Variants in HDDC3 observed in about 807,000 individuals in gnomAD.
HDDC3 encodes the protein HD domain containing 3.
A neutral mutation model predicts 19.1 loss-of-function variants in HDDC3; 18 were observed. The observed-to-expected ratio is 0.94, with a 90% CI of 0.65 to 1.40. HDDC3 has a LOEUF of 1.40. Ranked by LOEUF, HDDC3 falls within the 40% of genes most tolerant of loss-of-function variation. The pLI is 0.00. For missense variants in HDDC3, 250 were observed against 228.9 expected, an observed-to-expected ratio of 1.09 and a Z score of -0.59; for synonymous variants, 107 against 99.4, an observed-to-expected ratio of 1.08 and a Z score of -0.46.
chr15:90,932,353 G>A, intron 1 of HDDC3, 76 bp downstream of exon 1: 1 of 930,476 alleles, frequency 1.1e-6, no homozygotes, highest in Middle Eastern at 3.1e-4. Flanking sequence ...TCAATGAGGT[G>A]CACGCCCCCC....
chr15:90,931,652 C>T (rs903150688), intron 3 of HDDC3, 52 bp downstream of exon 3: 2 of 1,613,924 alleles, frequency 1.2e-6, no homozygotes, highest in Non-Finnish European at 8.5e-7. Context: ...CATGTGTCTT[C>T]AGAAGGCGGC....
chr15:90,931,856 A>AC lies in HDDC3; in HGVS notation c.256dup (p.Val86GlyfsTer7). On this transcript the variant is annotated frameshift_variant, in exon 3 of 4. Coordinates refer to ENST00000394272, the MANE Select transcript of HDDC3 (RefSeq NM_001286451.2). LOFTEE classifies it high-confidence loss of function. The stretch of plus-strand genomic sequence containing the variant: ...AGTCTTGTCATCTGTTACCTCCTCC[A>AC]CCAGGCGCCGCACTTGTGCCCCAAA... 1 of 1,613,936 alleles carries AC rather than the reference A, an allele frequency of 6.2e-7. No homozygotes were observed. The highest frequency in any genetic ancestry group is 8.5e-7 in the Non-Finnish European group (1 of 1,179,988).
In HDDC3 at chr15:90,931,155, T is replaced by C. The variant is rs2035775105; in HGVS notation, c.*120A>G. 8.1e-7 allele frequency: 1 copy of C among 1,241,302 alleles called. No individual in the cohort carries two copies. The highest frequency in any genetic ancestry group is 1.1e-6 in the Non-Finnish European group (1 of 898,374). 76.9% of individuals were successfully genotyped at this position (1,241,302 alleles called of 1,614,324 possible). A position where few individuals can be genotyped will look rare whatever the true frequency, so the allele number is the denominator to read the frequency against. The stretch of plus-strand genomic sequence containing the variant: ...ACTGAGAAAAAATGCAAGTCTTTTT[T>C]TGGCCTCTAATATCTGGGAAGGATG... On this transcript the variant is annotated 3_prime_UTR_variant, in exon 4 of 4. Coordinates refer to ENST00000394272, the MANE Select transcript of HDDC3 (RefSeq NM_001286451.2).
chr15:90,931,030 G>T lies in HDDC3; in HGVS notation c.*245C>A. The stretch of plus-strand genomic sequence containing the variant: ...ATCCCACCATGCAAAATAGCAAACA[G>T]ACCCAAGACTTGGGGAGAGGCGGTG... On this transcript the variant is annotated 3_prime_UTR_variant, in exon 4 of 4. Coordinates refer to ENST00000394272, the MANE Select transcript of HDDC3 (RefSeq NM_001286451.2). 1 of 491,538 alleles carries T rather than the reference G, an allele frequency of 2.0e-6. No homozygotes were observed. Among genetic ancestry groups the T allele is most frequent in the Non-Finnish European group, 3.7e-6 (1 of 271,130 alleles). The allele number at this position is 491,538 out of a possible 1,614,324, so 30.4% of individuals were successfully genotyped here.
Position 90,932,510 on chromosome 15 carries a change from C to T in HDDC3, c.31G>A (p.Ala11Thr), listed in dbSNP as rs752086762. 43 of 1,302,358 alleles carry T rather than the reference C, an allele frequency of 3.3e-5. No homozygotes were observed. Among genetic ancestry groups the T allele is most frequent in the Non-Finnish European group, 4.1e-5 (42 of 1,025,978 alleles). The allele number at this position is 1,302,358 out of a possible 1,614,324, so 80.7% of individuals were successfully genotyped here. ...TGCTTGCGAGCCGCGAAGTCGGCAGCCTCCAGCAGCTGCGCCGCCTCAGAG... is the reference window on the plus strand; with the variant it reads ...TGCTTGCGAGCCGCGAAGTCGGCAGTCTCCAGCAGCTGCGCCGCCTCAGAG... MGSEAAQLLE[A>T]ADFAARKHRQ... is the part of the protein sequence containing the mutation. Residue 11 changes from alanine (A) to threonine (T), a missense_variant, in exon 1 of 4, where the codon GCT becomes ACT. By Grantham distance (58) the Ala-to-Thr change is moderately conservative. Coordinates refer to ENST00000394272, the MANE Select transcript of HDDC3 (RefSeq NM_001286451.2).
Position 90,932,424 on chromosome 15 carries a change from C to A in HDDC3, c.112+5G>T. 1 of 1,345,972 alleles carries A rather than the reference C, an allele frequency of 7.4e-7. No homozygotes were observed. Among genetic ancestry groups the A allele is most frequent in the South Asian group, 1.9e-5 (1 of 52,986 alleles). The allele number at this position is 1,345,972 out of a possible 1,614,324, so 83.4% of individuals were successfully genotyped here. Reference sequence around the variant, plus strand: ...CAGCCGGCGCTCCGCGGCCGACGCGCCCACCGATGGGGTGGTTGATGTAGG... The same window carrying A: ...CAGCCGGCGCTCCGCGGCCGACGCGACCACCGATGGGGTGGTTGATGTAGG... On this transcript the variant is annotated splice_donor_5th_base_variant and intron_variant, in intron 1 of 3. Transcript: ENST00000394272.
chr15:90,931,720 A>G lies in HDDC3; in HGVS notation c.393T>C (p.Asn131=). The G allele has an allele frequency of 6.2e-7, 1 of 1,614,052 alleles. No homozygotes were observed. The highest frequency in any genetic ancestry group is 1.1e-5 in the South Asian group (1 of 91,074). The part of the protein sequence containing the change: ...ADKLYNLRDL[N]RCTPEGWSEH... ...AAAGCGTACCCTCTGGGGTGCAGCG[A>G]TTCAGGTCCCTCAGATTGTACAGCT... Residue 131 remains asparagine (N), a synonymous_variant, in exon 3 of 4, where the codon AAT becomes AAC. Coordinates refer to ENST00000394272, the MANE Select transcript of HDDC3 (RefSeq NM_001286451.2).
At chr15:90,932,233 G>C in intron 1 of HDDC3, 123 bp from the exon 2 acceptor site, 1 of 1,115,212 alleles carries the variant, frequency 9.0e-7, no homozygotes, top group Non-Finnish European at 1.3e-6. Flanking sequence ...CCTTGGTCAA[G>C]TACCTTACCC....
rs571150909 is a variant in HDDC3 at position 90,930,683 on chromosome 15, T to G, written c.*592A>C. 6.5e-6 allele frequency: 1 copy of G among 154,202 alleles called. No homozygotes were observed. The highest frequency in any genetic ancestry group is 6.4e-5 in the Admixed American group (1 of 15,556). 9.6% of individuals were successfully genotyped at this position (154,202 alleles called of 1,614,324 possible). On this transcript the variant is annotated 3_prime_UTR_variant, in exon 4 of 4. Transcript: ENST00000394272. ...CGCGCCTGGCCCCCTTCCAACTTTC[T>G]TAACGGGAAAGGCTGCTACCATTTC... is the stretch of plus-strand genomic sequence containing the variant.
At chr15:90,931,581 G>T in intron 3 of HDDC3, 123 bp downstream of exon 3, 1 of 1,614,134 alleles carries the variant, frequency 6.2e-7, no homozygotes. Flanking sequence ...ATCAAAGAGT[G>T]GTCCAGTAGG....
Position 90,931,201 on chromosome 15 carries a change from G to C in HDDC3, c.*74C>G, listed in dbSNP as rs890733450. The C allele has an allele frequency of 1.6e-4, 240 of 1,513,476 alleles. No individual in the cohort carries two copies. The highest frequency in any genetic ancestry group is 2.0e-4 in the Non-Finnish European group (226 of 1,116,628). The allele number at this position is 1,513,476 out of a possible 1,614,324, so 93.8% of individuals were successfully genotyped here. On this transcript the variant is annotated 3_prime_UTR_variant, in exon 4 of 4. Coordinates refer to ENST00000394272, the MANE Select transcript of HDDC3 (RefSeq NM_001286451.2). ...GGATGGAGGGAGCTCAGGAGACACAGAAAAGATGGCGTATGAATCCTGTCC... is the reference window on the plus strand; with the variant it reads ...GGATGGAGGGAGCTCAGGAGACACACAAAAGATGGCGTATGAATCCTGTCC...
At position 90,932,438 on chromosome 15, in the gene HDDC3, G is replaced by GGTTGATGTAGGGGGTC; in HGVS notation, c.87_102dup (p.His35AspfsTer22). 1 of 1,365,812 alleles carries GGTTGATGTAGGGGGTC rather than the reference G, an allele frequency of 7.3e-7. No homozygotes were observed. Among genetic ancestry groups the GGTTGATGTAGGGGGTC allele is most frequent in the Non-Finnish European group, 9.4e-7 (1 of 1,061,560 alleles). 84.6% of individuals were successfully genotyped at this position (1,365,812 alleles called of 1,614,324 possible). On this transcript the variant is annotated frameshift_variant, in exon 1 of 4. Transcript: ENST00000394272. LOFTEE classifies it high-confidence loss of function. ...CGGCCGACGCGCCCACCGATGGGGT[G>GGTTGATGTAGGGGGTC]GTTGATGTAGGGGGTCCCCTCGGGG... is the stretch of plus-strand genomic sequence containing the variant.
Position 90,931,554 on chromosome 15 carries a change from T to G in HDDC3, c.410-149A>C, listed in dbSNP as rs868842776. ...TCCCCTTGGCCCAGCTATTGTATTT[T>G]TACTGTATGAAAGAAGATCAAAGAG... On this transcript the variant is annotated intron_variant, in intron 3 of 3. Coordinates refer to ENST00000394272, the MANE Select transcript of HDDC3 (RefSeq NM_001286451.2). 1.9e-6 allele frequency: 3 copies of G among 1,614,078 alleles called. No individual in the cohort carries two copies. The African/African-American group carries it at 4.0e-5, about 22-fold the overall frequency.
At chr15:90,931,661 G>A (rs1318224176) in intron 3 of HDDC3, 43 bp downstream of exon 3, 3 of 1,613,908 alleles carry the variant, frequency 1.9e-6, no homozygotes, top group Admixed American at 3.3e-5. Flanking sequence ...TCAGAAGGCG[G>A]CATCCCCCTC....
At chr15:90,931,975 T>A in intron 2 of HDDC3, 31 bp from the exon 3 acceptor site, 3 of 1,613,872 alleles carry the variant, frequency 1.9e-6, no homozygotes, top group Non-Finnish European at 2.5e-6. Flanking sequence ...AGCCCTGAGA[T>A]GTCAGCCAAG....
In HDDC3 at chr15:90,932,041, AG is replaced by A. The variant is rs1434001692; in HGVS notation, c.168+13del. 3.1e-6 allele frequency: 5 copies of A among 1,613,880 alleles called. No individual in the cohort carries two copies. The highest frequency in any genetic ancestry group is 4.2e-6 in the Non-Finnish European group (5 of 1,179,894). On this transcript the variant is annotated intron_variant, in intron 2 of 3. Transcript: ENST00000394272. The stretch of plus-strand genomic sequence containing the variant: ...CCCCATCCCAGGCTCCTGGCAGAGA[AG>A]GGGGAAAGTTACCTGTAACACCACA...
upstream of HDDC3, chr15:90,932,558 C>A (rs775511098): frequency 6.3e-5 from 78 of 1,236,704 alleles, no homozygotes; most frequent in Non-Finnish European, 7.5e-5. Flanking sequence ...ATGGGGCCGA[C>A]GACTGCGGCC....
Position 90,931,944 on chromosome 15 carries a change from C to G in HDDC3, c.169G>C (p.Ala57Pro). The G allele has an allele frequency of 6.2e-7, 1 of 1,613,818 alleles. No individual in the cohort carries two copies. Among genetic ancestry groups the G allele is most frequent in the Non-Finnish European group, 8.5e-7 (1 of 1,179,880 alleles). The part of the protein sequence containing the change: ...AGITDIVVLQ[A>P]ALLHDTVEDT... Reference sequence around the variant, plus strand: ...TCCACCGTGTCATGGAGCAGGGCCGCCTGGGGACAAGTTCCCACTCAGCCC... The same window carrying G: ...TCCACCGTGTCATGGAGCAGGGCCGGCTGGGGACAAGTTCCCACTCAGCCC... Residue 57 changes from alanine to proline, a missense_variant and splice_region_variant, in exon 3 of 4, where the codon GCG (alanine) becomes CCG (proline). Ala to Pro is a conservative substitution (Grantham distance 27, BLOSUM62 -1). Transcript: ENST00000394272.
At chr15:90,931,500 T>G in intron 3 of HDDC3, 95 bp from the exon 4 acceptor site, 1 of 1,614,160 alleles carries the variant, frequency 6.2e-7, no homozygotes, top group Non-Finnish European at 8.5e-7. Flanking sequence ...GGCCATGAGT[T>G]CCTGATGGAA....
Sources: gnomAD v4.1 joint callset for allele counts on GRCh38, gnomAD v4.1.1 for gene constraint, MANE v1.5 for transcripts, NCBI Gene and HGNC (gene_info 2026-07-23, HGNC 2026-07-21) for gene names.